The following SCARA5 variants were observed in gnomAD, a reference collection of about 807,000 sequenced individuals.
SCARA5 encodes the protein scavenger receptor class A, member 5 (putative).
A neutral mutation model predicts 46.3 loss-of-function variants in SCARA5; 45 were observed. The ratio of observed to expected loss-of-function variants is 0.97; its 90% CI spans 0.76 to 1.24. The LOEUF (loss-of-function observed/expected upper bound fraction) is 1.24, where lower values mean the gene tolerates loss of function less well. Ranked by LOEUF, SCARA5 falls within the 50% of genes most tolerant of loss-of-function variation. The pLI, the probability that SCARA5 is intolerant of heterozygous loss-of-function variation, is 0.00. For synonymous variants in SCARA5, 333 were observed against 306.5 expected, an observed-to-expected ratio of 1.09 and a Z score of -0.90; for missense variants, 680 against 689.0, an observed-to-expected ratio of 0.99 and a Z score of 0.15.
rs1806648630 is a variant in SCARA5, at chr8:27,872,081, A to G, written c.1352-11T>C. 27 of 1,614,142 alleles carry G rather than the reference A, an allele frequency of 1.7e-5. No homozygotes were observed. Among genetic ancestry groups the G allele is most frequent in the Non-Finnish European group, 2.3e-5 (27 of 1,179,944 alleles). ...AGATCCTCCCAGTGCCTGTGGAGAC[A>G]GGGAAACACAGCTATAAGCGGATAC... On this transcript the variant is annotated splice_polypyrimidine_tract_variant and intron_variant, in intron 8 of 8. Coordinates refer to ENST00000354914, the MANE Select transcript of SCARA5 (RefSeq NM_173833.6).
chr8:27,907,032 G>A (rs1009680248), intron 6 of SCARA5, 116 bp downstream of exon 6: 1 of 652,796 alleles, frequency 1.5e-6, no homozygotes, highest in South Asian at 2.4e-5. Context: ...ACTTGTACAA[G>A]GTTGCCCCGC....
At chr8:27,928,294 G>T (rs1359457456) in intron 3 of SCARA5, among the ~76,000 whole-genome samples, 1 of 152,204 alleles carries the variant, frequency 6.6e-6, no homozygotes, top group African/African-American at 2.4e-5. Flanking sequence ...TACTTTAAAT[G>T]TGTTTTAATT....
chr8:27,948,275 G>C (rs554784893), intron 3 of SCARA5, among the ~76,000 whole-genome samples: 1 of 152,274 alleles, frequency 6.6e-6, no homozygotes, highest in East Asian at 1.9e-4. Context: ...ACTTAGGGGA[G>C]GGTCTGGCTG....
intron 7 of SCARA5, among the ~76,000 whole-genome samples, chr8:27,880,847 C>T (rs1173455796): frequency 4.0e-5 from 4 of 100,180 alleles, no homozygotes; most frequent in African/African-American, 1.6e-4. Context: ...AAAGCAAGAC[C>T]CTGTCTAAGG....
chr8:27,888,063 A>G (rs1025119688), intron 7 of SCARA5, among the ~76,000 whole-genome samples: 12 of 151,342 alleles, frequency 7.9e-5, no homozygotes, highest in African/African-American at 2.2e-4. Flanking sequence ...TGATTGACGG[A>G]CTTTTTTTTT....
intron 4 of SCARA5, among the ~76,000 whole-genome samples, chr8:27,921,006 A>AAAACAAACAAACAAAC (rs58408756): frequency 6.6e-6 from 1 of 151,630 alleles, no homozygotes; most frequent in Non-Finnish European, 1.5e-5. Flanking sequence ...AACAAAATAC[A>AAAACAAACAAACAAAC]AAACAAACAA....
chr8:27,876,893 G>A lies in SCARA5; in HGVS notation c.1351+2676C>T, dbSNP rs57604319. On this transcript the variant is annotated intron_variant, in intron 8 of 8. Transcript: ENST00000354914. ...TTCAGGCTCAACAGCAGACGAGCTG[G>A]GAGTGGGGTTGGGGCACCAGTGGGT... Among the ~76,000 whole-genome samples the A allele has an allele frequency of 2.9e-3, 444 of 152,284 alleles. 3 individuals carry two copies. Among genetic ancestry groups the A allele is most frequent in the African/African-American group, 0.01 (425 of 41,548 alleles).
chr8:27,947,213 T>C (rs970689092), intron 3 of SCARA5, among the ~76,000 whole-genome samples: 1 of 152,148 alleles, frequency 6.6e-6, no homozygotes, highest in Non-Finnish European at 1.5e-5. Context: ...GGTTTCGCCG[T>C]GTTGGCCAGG....
At chr8:27,969,150 G>T (rs574552632) in intron 2 of SCARA5, among the ~76,000 whole-genome samples, 3 of 152,172 alleles carry the variant, frequency 2.0e-5, no homozygotes, top group East Asian at 1.9e-4. Context: ...AGTCACAAAG[G>T]CTGCCCAAAA....
chr8:27,955,240 G>T (rs571164066), intron 3 of SCARA5, among the ~76,000 whole-genome samples: 1 of 152,162 alleles, frequency 6.6e-6, no homozygotes, highest in Non-Finnish European at 1.5e-5. Context: ...GAAACACAGC[G>T]AGGGACCCTG....
At chr8:27,931,876 A>G (rs1214155196) in intron 3 of SCARA5, among the ~76,000 whole-genome samples, 1 of 152,026 alleles carries the variant, frequency 6.6e-6, no homozygotes, top group Non-Finnish European at 1.5e-5. Flanking sequence ...CTGGTCTTGA[A>G]CTTCTAACCT....
At chr8:27,898,251 A>C (rs1200978788) in intron 7 of SCARA5, among the ~76,000 whole-genome samples, 2 of 147,844 alleles carry the variant, frequency 1.4e-5, no homozygotes, top group Non-Finnish European at 3.0e-5. Flanking sequence ...TGCACACAGC[A>C]GTGTAGAAGC....
chr8:27,973,432 G>A (rs951532232), intron 2 of SCARA5, among the ~76,000 whole-genome samples: 14 of 151,992 alleles, frequency 9.2e-5, no homozygotes, highest in East Asian at 3.9e-4. Context: ...AGCCGAGATC[G>A]CGCCACTACA....
intron 3 of SCARA5, among the ~76,000 whole-genome samples, chr8:27,949,267 C>T (rs531192028): frequency 4.6e-5 from 7 of 152,354 alleles, no homozygotes; most frequent in Middle Eastern, 3.4e-3. Context: ...ATTAGTGAGA[C>T]GGAGCTCTTG....
At chr8:27,984,552 CCATT>C (rs1233835221) in intron 2 of SCARA5, among the ~76,000 whole-genome samples, 1 of 151,914 alleles carries the variant, frequency 6.6e-6, no homozygotes, top group East Asian at 1.9e-4. Context: ...ATCCATCCAT[CCATT>C]CATTCACCCA....
At chr8:27,990,521 T>A (rs967160861) in intron 1 of SCARA5, among the ~76,000 whole-genome samples, 1 of 152,058 alleles carries the variant, frequency 6.6e-6, no homozygotes, top group African/African-American at 2.4e-5. Context: ...ATTTTAAACA[T>A]AAGCCATCCC....
chr8:27,880,573 TGG>T (rs2129673324), intron 7 of SCARA5, among the ~76,000 whole-genome samples: 1 of 152,204 alleles, frequency 6.6e-6, no homozygotes, highest in East Asian at 1.9e-4. Context: ...CGGCTGGGCT[TGG>T]TGGCTTATGC....
chr8:27,913,225 G>C (rs1448352369), intron 4 of SCARA5, among the ~76,000 whole-genome samples: 1 of 152,146 alleles, frequency 6.6e-6, no homozygotes, highest in Non-Finnish European at 1.5e-5. Context: ...GATTAACTGG[G>C]AAGAAGGTGG....
chr8:27,965,818 G>A (rs970090645), intron 3 of SCARA5, among the ~76,000 whole-genome samples: 22 of 152,196 alleles, frequency 1.4e-4, no homozygotes, highest in Admixed American at 2.0e-4. Context: ...ATGATGAGCT[G>A]GGCTGCTCAC....
Sources: allele counts gnomAD v4.1 joint callset (sites outside exome capture counted in the v4.1 genomes callset), GRCh38; gene constraint gnomAD v4.1.1; transcripts MANE v1.5; gene names NCBI Gene and HGNC (gene_info 2026-07-23, HGNC 2026-07-21).